ITSN1: variants seen among roughly 807,000 people sequenced by gnomAD.
ITSN1 encodes intersectin-1.
In ITSN1, 58 loss-of-function variants were observed where a neutral mutation model predicts 239.8. That is an observed-to-expected ratio of 0.24 (90% CI 0.20 to 0.30). The LOEUF (loss-of-function observed/expected upper bound fraction) is 0.30. Ranked by LOEUF, ITSN1 falls within the 10% of genes least tolerant of loss-of-function variation. The probability of loss-of-function intolerance (pLI) is 1.00; values close to 1 mark genes in which losing one functional copy is unlikely to be tolerated. For missense variants in ITSN1, 1,558 were observed against 2,103.3 expected, an observed-to-expected ratio of 0.74 and a Z score of 5.07; for synonymous variants, 780 against 770.8, an observed-to-expected ratio of 1.01 and a Z score of -0.20.
At position 33,823,602 on chromosome 21, in the gene ITSN1, C is replaced by T. The variant is rs1216250990; in HGVS notation, c.3132C>T (p.Gly1044=). The T allele has an allele frequency of 4.3e-6, 7 of 1,614,102 alleles. No homozygotes were observed. The highest frequency in any genetic ancestry group is 1.1e-5 in the South Asian group (1 of 91,060). ...GTGACTGGTGGACAGGAACAGTGGG[C>T]GACAAGGCCGGAGTCTTCCCTTCTA... ...KDGDWWTGTV[G]DKAGVFPSNY... is the part of the protein sequence containing the mutation. Residue 1044 remains glycine, a synonymous_variant, in exon 25 of 40, where the codon GGC becomes GGT. Transcript: ENST00000381318.
At chr21:33,702,107 T>TAAACA (rs1568974862) in intron 1 of ITSN1, among the ~76,000 whole-genome samples, 2 of 872 alleles carry the variant, frequency 2.3e-3, no homozygotes, top group Non-Finnish European at 2.5e-3. Flanking sequence ...TTTTTTTTTT[T>TAAACA]TTTTTTTTTT....
At chr21:33,804,048 A>G (rs1469273794) in intron 20 of ITSN1, among the ~76,000 whole-genome samples, 1 of 152,198 alleles carries the variant, frequency 6.6e-6, no homozygotes, top group East Asian at 1.9e-4. Flanking sequence ...TTTGCAGTTA[A>G]CAAATGATGA....
intron 7 of ITSN1, among the ~76,000 whole-genome samples, chr21:33,752,126 C>T (rs2067595494): frequency 1.3e-5 from 2 of 149,698 alleles, no homozygotes; most frequent in Non-Finnish European, 1.5e-5. Context: ...ATAACATTTC[C>T]TTAAAGGCTT....
In ITSN1 at chr21:33,840,467, G is replaced by A. The variant is rs749111227; in HGVS notation, c.3661+3835G>A. On this transcript the variant is annotated intron_variant, in intron 29 of 39. Transcript: ENST00000381318. Reference sequence around the variant, plus strand: ...CAACCTCCACCTCCCGGATACAGGCGATTCTCCTGCCTCAGCCTCCTGAGT... The same window carrying A: ...CAACCTCCACCTCCCGGATACAGGCAATTCTCCTGCCTCAGCCTCCTGAGT... 2.0e-5 allele frequency among the ~76,000 whole-genome samples: 3 copies of A among 152,046 alleles called. No homozygotes were observed. The South Asian group carries it at 6.2e-4, about 32-fold the overall frequency.
chr21:33,714,622 TTATA>T (rs2092515166), intron 1 of ITSN1, among the ~76,000 whole-genome samples: 1 of 151,828 alleles, frequency 6.6e-6, no homozygotes. Context: ...CATAAAATTA[TTATA>T]TCTATATCTA....
Position 33,865,221 on chromosome 21 carries a change from G to C in ITSN1, c.3961G>C (p.Ala1321Pro). 6.2e-7 allele frequency: 1 copy of C among 1,613,782 alleles called. No homozygotes were observed. The highest frequency in any genetic ancestry group is 8.5e-7 in the Non-Finnish European group (1 of 1,179,926). ...GAAGATGATTGGAGACATCCTGAGC[G>C]CACAGCTGCCGCACATGCAGCCCTA... is the stretch of plus-strand genomic sequence containing the variant. ...PVKMIGDILS[A>P]QLPHMQPYIR... Residue 1321 changes from alanine (A) to proline (P), a missense_variant, in exon 32 of 40, where the codon GCA becomes CCA. Coordinates refer to ENST00000381318, the MANE Select transcript of ITSN1 (RefSeq NM_003024.3). This position sits in a 1 kb window ranked among gnomAD's most constrained non-coding sequence, Gnocchi z 4.4.
intron 25 of ITSN1, among the ~76,000 whole-genome samples, chr21:33,824,338 A>G (rs1019849734): frequency 5.9e-5 from 9 of 152,220 alleles, no homozygotes; most frequent in Admixed American, 2.6e-4. Context: ...CATGGGAGTC[A>G]GTCTTGTAGG....
At chr21:33,829,784 A>G in intron 27 of ITSN1, 39 bp downstream of exon 27, 1 of 1,610,362 alleles carries the variant, frequency 6.2e-7, no homozygotes. Context: ...TCTCCATCCA[A>G]GTTTCAATAC....
chr21:33,817,927 C>T (rs1445560100), intron 22 of ITSN1: 10 of 335,874 alleles, frequency 3.0e-5, no homozygotes, highest in Non-Finnish European at 5.5e-5. Flanking sequence ...GGAGGTGTCC[C>T]GGGCAACTTG....
At chr21:33,885,169 G>T (rs1021957592) in intron 37 of ITSN1, 46 bp downstream of exon 37, 1 of 1,506,042 alleles carries the variant, frequency 6.6e-7, no homozygotes, top group Admixed American at 1.7e-5. Context: ...GGGCAGGAGG[G>T]AGGGCCATTT....
chr21:33,658,333 A>G (rs1345120292), intron 1 of ITSN1, among the ~76,000 whole-genome samples: 5 of 152,190 alleles, frequency 3.3e-5, no homozygotes, highest in Admixed American at 2.6e-4. Context: ...GGACCCACAC[A>G]GTTAAAACTC....
At chr21:33,883,399 A>T in intron 35 of ITSN1, 151 bp from the exon 36 acceptor site, 1 of 991,262 alleles carries the variant, frequency 1.0e-6, no homozygotes, top group Non-Finnish European at 1.5e-6. Context: ...AGTCTAGGTT[A>T]CTGAAACACA....
At chr21:33,829,534 T>C in intron 26 of ITSN1, 90 bp from the exon 27 acceptor site, 1 of 1,383,584 alleles carries the variant, frequency 7.2e-7, no homozygotes, top group Non-Finnish European at 1.0e-6. Flanking sequence ...GATGTGTTCA[T>C]CTGTGAACCT....
At chr21:33,792,767 A>G (rs2071241481) in intron 16 of ITSN1, among the ~76,000 whole-genome samples, 1 of 152,118 alleles carries the variant, frequency 6.6e-6, no homozygotes, top group Non-Finnish European at 1.5e-5. Context: ...GTCTGCTGCC[A>G]TAGGGAACAG....
chr21:33,784,651 C>T (rs2070500075), intron 16 of ITSN1, among the ~76,000 whole-genome samples: 1 of 151,304 alleles, frequency 6.6e-6, no homozygotes, highest in South Asian at 2.1e-4. Context: ...AAAGCCAAAA[C>T]AAACAATTAA....
chr21:33,748,958 A>G lies in ITSN1; in HGVS notation c.347-1185A>G, dbSNP rs138578531. ...TGAAAGAAGGTATTAAAGTTGGGAC[A>G]GAGAAATAAAAAAGAAGGTAAGCTT... On this transcript the variant is annotated intron_variant, in intron 5 of 39. Transcript: ENST00000381318. 4.0e-5 allele frequency among the ~76,000 whole-genome samples: 6 copies of G among 151,762 alleles called. No individual in the cohort carries two copies. The East Asian group carries it at 1.2e-3, about 30-fold the overall frequency.
rs540603144 is a variant in ITSN1 at position 33,893,375 on chromosome 21, A to G, written c.*5075A>G. On this transcript the variant is annotated 3_prime_UTR_variant, in exon 40 of 40. Transcript: ENST00000381318. ...GGGGCTGAGGCAGGTGGATCACCTG[A>G]GGTCAGGAGTTCGAGAACAGCCTGG... 1 of 152,344 alleles carries G rather than the reference A, an allele frequency of 6.6e-6. No individual in the cohort carries two copies. The highest frequency in any genetic ancestry group is 2.4e-5 in the African/African-American group (1 of 41,566). 9.4% of individuals were successfully genotyped at this position (152,344 alleles called of 1,614,324 possible).
intron 4 of ITSN1, among the ~76,000 whole-genome samples, chr21:33,729,613 A>G (rs1195438124): frequency 6.6e-6 from 1 of 152,226 alleles, no homozygotes; most frequent in East Asian, 1.9e-4. Context: ...CTTTTCTCCA[A>G]CGATGATTTT....
chr21:33,826,185 G>A (rs983774318), intron 25 of ITSN1, among the ~76,000 whole-genome samples: 3 of 152,100 alleles, frequency 2.0e-5, no homozygotes, highest in Admixed American at 6.6e-5. Flanking sequence ...AATATGCTCT[G>A]CCTCTATGCA....
Sources: allele counts gnomAD v4.1 joint callset (sites outside exome capture counted in the v4.1 genomes callset), GRCh38; gene constraint gnomAD v4.1.1; non-coding constraint Gnocchi (gnomAD v3.1); transcripts MANE v1.5; gene names NCBI Gene and HGNC (gene_info 2026-07-23, HGNC 2026-07-21).